The following BBS9 variants were observed in gnomAD, a reference collection of about 807,000 sequenced individuals.
BBS9 encodes Bardet-Biedl syndrome 9, also known as protein PTHB1.
BBS9 carries 89 observed loss-of-function variants against 117.7 expected under a neutral mutation model. That is an observed-to-expected ratio of 0.76 (90% CI 0.64 to 0.90). The LOEUF is 0.90. BBS9 is among the 40% of genes least tolerant of loss of function. BBS9 has a pLI of 0.00. For missense variants in BBS9, 982 were observed against 1,042.2 expected, an observed-to-expected ratio of 0.94 and a Z score of 0.80; for synonymous variants, 379 against 370.9, an observed-to-expected ratio of 1.02 and a Z score of -0.25.
At chr7:33,340,421 C>T (rs1816274291) in intron 10 of BBS9, among the ~76,000 whole-genome samples, 1 of 151,990 alleles carries the variant, frequency 6.6e-6, no homozygotes, top group South Asian at 2.1e-4. Context: ...AATAATTAGC[C>T]TATTAATAGA....
chr7:33,405,617 C>A (rs992264423), intron 19 of BBS9, among the ~76,000 whole-genome samples: 3 of 152,156 alleles, frequency 2.0e-5, no homozygotes, highest in Admixed American at 6.5e-5. Context: ...TCTAGATTTT[C>A]TAGTTTATTT....
chr7:33,455,461 C>T (rs1838504195), intron 19 of BBS9, among the ~76,000 whole-genome samples: 1 of 152,190 alleles, frequency 6.6e-6, no homozygotes, highest in African/African-American at 2.4e-5. Flanking sequence ...AGCTTACTAA[C>T]CCAGAAAGAA....
intron 19 of BBS9, among the ~76,000 whole-genome samples, chr7:33,439,012 AAC>A (rs1007942784): frequency 2.0e-5 from 3 of 152,184 alleles, no homozygotes; most frequent in African/African-American, 7.2e-5. Context: ...ACCAAGAGTG[AAC>A]ACAGAGTGTT....
At chr7:33,417,961 T>C (rs1320812667) in intron 19 of BBS9, among the ~76,000 whole-genome samples, 1 of 152,220 alleles carries the variant, frequency 6.6e-6, no homozygotes, top group Non-Finnish European at 1.5e-5. Context: ...TATATTCTGG[T>C]GCAGTGTGCA....
At chr7:33,381,983 A>G (rs1184494516) in intron 17 of BBS9, among the ~76,000 whole-genome samples, 1 of 152,220 alleles carries the variant, frequency 6.6e-6, no homozygotes, top group Admixed American at 6.5e-5. Context: ...ACCATGGGGA[A>G]CATAAAGAAA....
At chr7:33,593,201 T>C (rs1270122272) in intron 21 of BBS9, among the ~76,000 whole-genome samples, 1 of 152,118 alleles carries the variant, frequency 6.6e-6, no homozygotes, top group African/African-American at 2.4e-5. Context: ...TGAAAGACAG[T>C]AGATCTTACA....
intron 9 of BBS9, among the ~76,000 whole-genome samples, chr7:33,275,364 C>T (rs2128351752): frequency 6.6e-6 from 1 of 152,288 alleles, no homozygotes; most frequent in Non-Finnish European, 1.5e-5. Flanking sequence ...TTAAATTTAA[C>T]AGAATATTCA....
chr7:33,200,425 A>G (rs1282934145), intron 5 of BBS9, among the ~76,000 whole-genome samples: 5 of 152,176 alleles, frequency 3.3e-5, no homozygotes, highest in Admixed American at 3.3e-4. Flanking sequence ...ATGACTTCTC[A>G]TGATTCTAAA....
intron 19 of BBS9, among the ~76,000 whole-genome samples, chr7:33,393,077 G>A (rs1381353825): frequency 6.6e-6 from 1 of 152,128 alleles, no homozygotes; most frequent in Non-Finnish European, 1.5e-5. Flanking sequence ...GAGGTGGGAG[G>A]ATTGCTTTAG....
chr7:33,186,172 C>T (rs1030710360), intron 5 of BBS9, among the ~76,000 whole-genome samples: 13 of 152,236 alleles, frequency 8.5e-5, no homozygotes, highest in South Asian at 6.2e-4. Flanking sequence ...ATAAGGGGAT[C>T]GTGATTAAAA....
chr7:33,164,752 A>G (rs188278091), intron 4 of BBS9, among the ~76,000 whole-genome samples: 2 of 152,258 alleles, frequency 1.3e-5, no homozygotes, highest in African/African-American at 4.8e-5. Context: ...TCTCCTGAAT[A>G]CAGTACACTG....
intron 18 of BBS9, among the ~76,000 whole-genome samples, chr7:33,387,168 T>C (rs1007247722): frequency 1.3e-5 from 2 of 152,312 alleles, no homozygotes; most frequent in Non-Finnish European, 2.9e-5. Flanking sequence ...TAACAATAGA[T>C]CAAACAATTT....
chr7:33,194,786 G>C (rs1030982778), intron 5 of BBS9, among the ~76,000 whole-genome samples: 2 of 152,078 alleles, frequency 1.3e-5, no homozygotes, highest in Non-Finnish European at 2.9e-5. Flanking sequence ...GCAGAATTTT[G>C]ATGTTTCTGT....
intron 7 of BBS9, among the ~76,000 whole-genome samples, chr7:33,268,386 C>T (rs1304783612): frequency 6.6e-6 from 1 of 152,094 alleles, no homozygotes; most frequent in Non-Finnish European, 1.5e-5. Flanking sequence ...TATCCATCTC[C>T]ACAATTCACA....
At chr7:33,573,737 T>G (rs1858230967) in intron 21 of BBS9, among the ~76,000 whole-genome samples, 1 of 152,174 alleles carries the variant, frequency 6.6e-6, no homozygotes. Flanking sequence ...TTGTTCCACC[T>G]TATTTTTTAT....
At chr7:33,545,969 T>G (rs1853282961) in intron 21 of BBS9, among the ~76,000 whole-genome samples, 1 of 137,448 alleles carries the variant, frequency 7.3e-6, no homozygotes, top group Non-Finnish European at 1.5e-5. Flanking sequence ...AGTCTTGCTC[T>G]GTCGCCCAGG....
chr7:33,348,976 A>G (rs1462311248), intron 12 of BBS9, 92 bp from the exon 13 acceptor site: 7 of 879,092 alleles, frequency 8.0e-6, no homozygotes, highest in Non-Finnish European at 1.3e-5. Flanking sequence ...AATATTTTCT[A>G]ATTATTTGCT....
intron 15 of BBS9, among the ~76,000 whole-genome samples, chr7:33,353,864 A>G (rs1053140908): frequency 6.6e-6 from 1 of 152,078 alleles, no homozygotes; most frequent in Non-Finnish European, 1.5e-5. Context: ...AACACAAAGT[A>G]TACTTGTCAA....
At chr7:33,550,663 T>G (rs1320672563) in intron 21 of BBS9, among the ~76,000 whole-genome samples, 1 of 152,178 alleles carries the variant, frequency 6.6e-6, no homozygotes, top group African/African-American at 2.4e-5. Context: ...ATACTGAACT[T>G]TTTCTAAAAA....
Sources: allele counts gnomAD v4.1 joint callset (sites outside exome capture counted in the v4.1 genomes callset), GRCh38; gene constraint gnomAD v4.1.1; transcripts MANE v1.5; gene names NCBI Gene and HGNC (gene_info 2026-07-23, HGNC 2026-07-21).